SUSD4: variants seen among roughly 807,000 people sequenced by gnomAD.
The protein encoded by SUSD4 is sushi domain containing 4.
In SUSD4, 41 loss-of-function variants were observed where a neutral mutation model predicts 50.5. The ratio of observed to expected loss-of-function variants is 0.81; its 90% CI spans 0.63 to 1.05. The LOEUF (loss-of-function observed/expected upper bound fraction) is 1.05. Ranked by LOEUF, SUSD4 falls within the 50% of genes least tolerant of loss-of-function variation. SUSD4 has a pLI of 0.00. For missense variants in SUSD4, 580 were observed against 634.7 expected (o/e 0.91, Z 0.93); for synonymous variants, 257 against 257.3 (o/e 1.00, Z 0.01).
At chr1:223,312,275 G>A (rs898534828) in intron 2 of SUSD4, among the ~76,000 whole-genome samples, 3 of 152,106 alleles carry the variant, frequency 2.0e-5, no homozygotes, top group Non-Finnish European at 2.9e-5. Flanking sequence ...AATTTTTTAT[G>A]GAGCCTACAA....
At chr1:223,268,011 T>TTA (rs1359176060) in intron 4 of SUSD4, among the ~76,000 whole-genome samples, 1 of 7,668 alleles carries the variant, frequency 1.3e-4, no homozygotes, top group Non-Finnish European at 2.5e-4. Context: ...TTCATGCATT[T>TTA]TTTATATATA....
intron 2 of SUSD4, among the ~76,000 whole-genome samples, chr1:223,312,629 G>A (rs1665945772): frequency 6.6e-6 from 1 of 152,292 alleles, no homozygotes; most frequent in Admixed American, 6.5e-5. Context: ...AACTCCAAAA[G>A]GCTGTTCAAA....
chr1:223,292,965 G>A (rs996058790), intron 2 of SUSD4, among the ~76,000 whole-genome samples: 10 of 152,228 alleles, frequency 6.6e-5, no homozygotes, highest in Non-Finnish European at 1.2e-4. Flanking sequence ...ATGCTGAAGA[G>A]AGTTGAGGAG....
chr1:223,327,070 T>A (rs762317245), intron 2 of SUSD4, among the ~76,000 whole-genome samples: 2 of 152,112 alleles, frequency 1.3e-5, no homozygotes, highest in Admixed American at 6.5e-5. Flanking sequence ...CAATTCACAA[T>A]TGCAAAAATA....
In SUSD4 at chr1:223,336,572, T is replaced by C. The variant is rs547652567; in HGVS notation, c.148+26706A>G. ...ATCTTTGTCCAGAGGTCATGGTTTC[T>C]GTGCTTAGTAGAATTCATGCCTGTG... On this transcript the variant is annotated intron_variant, in intron 2 of 8. Coordinates refer to ENST00000366878, the MANE Select transcript of SUSD4 (RefSeq NM_017982.4). Among the ~76,000 whole-genome samples, 12 of 152,332 alleles carry C rather than the reference T, an allele frequency of 7.9e-5. No individual in the cohort carries two copies. The South Asian group carries it at 2.5e-3, about 32-fold the overall frequency.
rs1439874494 is a variant in SUSD4, at chr1:223,223,255, C to T, written c.1438G>A (p.Ala480Thr). ...CCCTGGGGCAAGCACTTACCATCTGCAATGTCGATGCCTGGGCTGGTGGAT... is the reference window on the plus strand; with the variant it reads ...CCCTGGGGCAAGCACTTACCATCTGTAATGTCGATGCCTGGGCTGGTGGAT... ...VASTSPGIDI[A>T]DEIPLMEEDP Residue 480 changes from alanine to threonine, a missense_variant, in exon 8 of 9, where the codon GCA (alanine) becomes ACA (threonine). Transcript: ENST00000366878. 4.6e-6 allele frequency: 7 copies of T among 1,535,598 alleles called. No individual in the cohort carries two copies. Among genetic ancestry groups the T allele is most frequent in the Middle Eastern group, 1.8e-4 (1 of 5,648 alleles).
upstream of SUSD4, among the ~76,000 whole-genome samples, chr1:223,364,922 C>G (rs985116276): frequency 6.6e-6 from 1 of 152,196 alleles, no homozygotes; most frequent in Non-Finnish European, 1.5e-5. The surrounding 1 kb of genome is among the most constrained non-coding windows in gnomAD (Gnocchi z 4.5). Flanking sequence ...GAGAGACACT[C>G]TCCCCCTCCC....
chr1:223,359,694 T>C (rs1474068707), intron 2 of SUSD4, among the ~76,000 whole-genome samples: 2 of 152,238 alleles, frequency 1.3e-5, no homozygotes. Flanking sequence ...TCAAGTTTCT[T>C]GCCCTCAGTG....
chr1:223,316,113 CAG>C, intron 2 of SUSD4, among the ~76,000 whole-genome samples: 1 of 152,052 alleles, frequency 6.6e-6, no homozygotes, highest in Non-Finnish European at 1.5e-5. Flanking sequence ...ATCAAGGATG[CAG>C]AGAGGTGCAG....
chr1:223,344,591 A>AT (rs1462876814), intron 2 of SUSD4, among the ~76,000 whole-genome samples: 1 of 151,962 alleles, frequency 6.6e-6, no homozygotes, highest in Non-Finnish European at 1.5e-5. Context: ...GCCAAGGACA[A>AT]TGTTCGCTTT....
chr1:223,294,946 G>A (rs1664727691), intron 2 of SUSD4, among the ~76,000 whole-genome samples: 1 of 152,176 alleles, frequency 6.6e-6, no homozygotes, highest in South Asian at 2.1e-4. Flanking sequence ...TCATCTGGAA[G>A]GAAGGGCAAT....
At chr1:223,361,411 G>C (rs549017966) in intron 2 of SUSD4, among the ~76,000 whole-genome samples, 2 of 152,224 alleles carry the variant, frequency 1.3e-5, no homozygotes, top group East Asian at 1.9e-4. Context: ...AGAGCTCTGA[G>C]ACTGACAGGT....
intron 2 of SUSD4, among the ~76,000 whole-genome samples, chr1:223,304,056 TA>T (rs1282074384): frequency 6.6e-6 from 1 of 152,184 alleles, no homozygotes; most frequent in African/African-American, 2.4e-5. Context: ...GTCTTAACCC[TA>T]AAGAGGCCTA....
chr1:223,287,289 C>T (rs1664209118), intron 3 of SUSD4, among the ~76,000 whole-genome samples: 2 of 152,210 alleles, frequency 1.3e-5, no homozygotes, highest in African/African-American at 4.8e-5. Context: ...GCTGGCCAGG[C>T]TGGTCTCGAA....
chr1:223,322,644 G>C (rs1666643235), intron 2 of SUSD4, among the ~76,000 whole-genome samples: 1 of 152,112 alleles, frequency 6.6e-6, no homozygotes, highest in Non-Finnish European at 1.5e-5. Context: ...TGAGTGTGTG[G>C]TGTGTGCATG....
intron 2 of SUSD4, among the ~76,000 whole-genome samples, chr1:223,336,126 T>C (rs1667442622): frequency 6.6e-6 from 1 of 152,146 alleles, no homozygotes; most frequent in African/African-American, 2.4e-5. Flanking sequence ...GCTAATTTTG[T>C]GTTTTTTAGT....
At chr1:223,280,062 G>A (rs545928233) in intron 3 of SUSD4, among the ~76,000 whole-genome samples, 2,227 of 152,280 alleles carry the variant, frequency 0.015, 29 homozygotes, top group Non-Finnish European at 0.022. Flanking sequence ...CACCAGGCCT[G>A]CCCTACAAGA....
At chr1:223,242,319 C>T (rs1198236808) in intron 5 of SUSD4, among the ~76,000 whole-genome samples, 1 of 152,142 alleles carries the variant, frequency 6.6e-6, no homozygotes, top group Non-Finnish European at 1.5e-5. Context: ...TTTTTGCCTG[C>T]AGAGCCTCTC....
At chr1:223,240,033 C>G (rs944917179) in intron 5 of SUSD4, among the ~76,000 whole-genome samples, 2 of 151,800 alleles carry the variant, frequency 1.3e-5, no homozygotes, top group African/African-American at 2.4e-5. Flanking sequence ...CGCTTCTGAA[C>G]GTTAATTTTT....
Sources: allele counts gnomAD v4.1 joint callset (sites outside exome capture counted in the v4.1 genomes callset), GRCh38; gene constraint gnomAD v4.1.1; non-coding constraint Gnocchi (gnomAD v3.1); transcripts MANE v1.5; gene names NCBI Gene and HGNC (gene_info 2026-07-23, HGNC 2026-07-21).